Variants in ANKLE2 observed in about 807,000 individuals in gnomAD.
ANKLE2 encodes ankyrin repeat and LEM domain-containing protein 2.
Under a neutral mutation model 84.2 loss-of-function variants are expected in ANKLE2, and 55 were observed. That is an observed-to-expected ratio of 0.65 (90% CI 0.53 to 0.82). The LOEUF (loss-of-function observed/expected upper bound fraction) is 0.82, where lower values mean the gene tolerates loss of function less well. Ranked by LOEUF, ANKLE2 falls within the 40% of genes least tolerant of loss-of-function variation. ANKLE2 has a pLI of 0.00. For synonymous variants in ANKLE2, 551 were observed against 486.1 expected (o/e 1.13, Z -1.76); for missense variants, 1,238 against 1,201.9 (o/e 1.03, Z -0.44).
intron 10 of ANKLE2, 27 bp downstream of exon 10, chr12:132,734,358 G>A (rs1311883771): frequency 1.9e-6 from 3 of 1,606,834 alleles, no homozygotes; most frequent in Middle Eastern, 1.7e-4. Context: ...CCTCCCAGCT[G>A]CCACAGCCAC....
At chr12:132,759,626 T>TATGTATACTATATGTGCTATATGA (rs1566042715) in intron 1 of ANKLE2, 1 of 146,082 alleles carries the variant, frequency 6.8e-6, no homozygotes, top group African/African-American at 2.8e-5. Flanking sequence ...ATCAGTATTT[T>TATGTATACTATATGTGCTATATGA]TTTATTTCAG....
chr12:132,734,893 A>G (rs960524789), intron 9 of ANKLE2: 8 of 348,660 alleles, frequency 2.3e-5, no homozygotes, highest in African/African-American at 1.1e-4. Flanking sequence ...GGACGTGTTC[A>G]TGATCACGGA....
intron 5 of ANKLE2, among the ~76,000 whole-genome samples, chr12:132,747,385 G>C (rs573133927): frequency 1.3e-5 from 2 of 150,690 alleles, no homozygotes; most frequent in Non-Finnish European, 3.0e-5. Context: ...TGCGTGTCAG[G>C]CAGCCTCTCT....
intron 2 of ANKLE2, among the ~76,000 whole-genome samples, chr12:132,752,677 T>C (rs1208573365): frequency 6.6e-6 from 1 of 152,074 alleles, no homozygotes; most frequent in Admixed American, 6.5e-5. Flanking sequence ...CCCCTACGTA[T>C]TCTTTAAAAA....
In ANKLE2 at chr12:132,727,749, C is replaced by T. The variant is rs543232327; in HGVS notation, c.2615+283G>A. Among the ~76,000 whole-genome samples the T allele has an allele frequency of 5.1e-5, 7 of 136,668 alleles. No homozygotes were observed. In the South Asian group the frequency reaches 1.7e-3, roughly 32 times the overall value. The allele number at this position is 136,668 out of a possible 152,430, so 89.7% of individuals were successfully genotyped here. On this transcript the variant is annotated intron_variant, in intron 12 of 12. Coordinates refer to ENST00000357997, the MANE Select transcript of ANKLE2 (RefSeq NM_015114.3). ...CACCGCGGGCACTGGGAGAGTCAAGCTCATGGGGGTTTCCCGGAGAATCCT... is the reference window on the plus strand; with the variant it reads ...CACCGCGGGCACTGGGAGAGTCAAGTTCATGGGGGTTTCCCGGAGAATCCT...
chr12:132,760,766 G>A (rs7971299), intron 1 of ANKLE2: 125,714 of 152,218 alleles, frequency 0.83, 52,547 homozygotes, highest in African/African-American at 0.96. Flanking sequence ...GTTTTTACAG[G>A]AACTTCATTT....
chr12:132,759,824 A>C (rs1318789995), intron 1 of ANKLE2: 1 of 151,804 alleles, frequency 6.6e-6, no homozygotes, highest in Non-Finnish European at 1.5e-5. Context: ...GGCTGAAAAC[A>C]GGTTAAGCCC....
At chr12:132,741,310 G>A (rs1347977143) in intron 7 of ANKLE2, 109 bp downstream of exon 7, 11 of 1,081,772 alleles carry the variant, frequency 1.0e-5, no homozygotes, top group South Asian at 2.9e-5. Context: ...GAGGGGAGCC[G>A]GCACACGCCC....
intron 2 of ANKLE2, among the ~76,000 whole-genome samples, chr12:132,753,905 T>C (rs1305668705): frequency 6.6e-6 from 1 of 152,096 alleles, no homozygotes; most frequent in African/African-American, 2.4e-5. Context: ...CAATGCAGCC[T>C]AGGTGGCAGA....
chr12:132,736,916 C>T lies in ANKLE2; in HGVS notation c.1570G>A (p.Ala524Thr), dbSNP rs755479066. ...ACCTTGGCTGGACTCAGGGGCCCTG[C>T]GAAGGCTCTCAGGGTCAGTACCGGG... ...RDPVLTLRAF[A>T]GPLSPAKAED... The change falls in exon 8 of 13, where the codon GCA becomes ACA. Residue 524 changes from alanine to threonine, a missense_variant. Transcript: ENST00000357997. The T allele has an allele frequency of 1.4e-5, 23 of 1,609,812 alleles. No homozygotes were observed. Among genetic ancestry groups the T allele is most frequent in the Admixed American group, 6.7e-5 (4 of 59,686 alleles).
intron 1 of ANKLE2, 29 bp from the exon 2 acceptor site, chr12:132,755,162 T>C (rs757898871): frequency 4.5e-6 from 7 of 1,561,466 alleles, no homozygotes; most frequent in Non-Finnish European, 6.0e-6. Flanking sequence ...AATCAAAGAG[T>C]CACAAAATAC....
At chr12:132,734,776 C>T (rs984508956) in intron 9 of ANKLE2, 15 of 568,650 alleles carry the variant, frequency 2.6e-5, no homozygotes, top group Non-Finnish European at 3.6e-5. Context: ...AAGCAGGACC[C>T]GGCACAGCTC....
intron 3 of ANKLE2, 71 bp downstream of exon 3, chr12:132,750,572 G>C: frequency 1.3e-6 from 2 of 1,548,668 alleles, no homozygotes; most frequent in Non-Finnish European, 1.8e-6. Context: ...CACATCAGAG[G>C]AAAGAAGGCA....
intron 1 of ANKLE2, 35 bp downstream of exon 1, chr12:132,761,583 A>G (rs1314650656): frequency 4.1e-6 from 5 of 1,207,514 alleles, no homozygotes; most frequent in Admixed American, 4.4e-5. Flanking sequence ...GGAAGGGGCC[A>G]GGGTGCGGGG....
At chr12:132,735,163 C>T (rs911212067) in intron 9 of ANKLE2, 7 of 538,960 alleles carry the variant, frequency 1.3e-5, no homozygotes, top group Admixed American at 3.5e-5. Flanking sequence ...CCAGAACCAA[C>T]AAGGAATTCC....
At chr12:132,756,918 G>A (rs1005535293) in intron 1 of ANKLE2, 9 of 151,172 alleles carry the variant, frequency 6.0e-5, no homozygotes, top group African/African-American at 2.2e-4. Flanking sequence ...GCAACAGAGC[G>A]AGACTCCACC....
At chr12:132,741,548 G>T in intron 6 of ANKLE2, 63 bp from the exon 7 acceptor site, 1 of 1,490,304 alleles carries the variant, frequency 6.7e-7, no homozygotes, top group Non-Finnish European at 9.4e-7. Context: ...TCATTACAAT[G>T]ATTTCAGAAA....
intron 2 of ANKLE2, among the ~76,000 whole-genome samples, chr12:132,753,745 AAAC>A (rs2136174931): frequency 6.6e-6 from 1 of 151,972 alleles, no homozygotes; most frequent in South Asian, 2.1e-4. Flanking sequence ...TGTCTCAAAA[AAAC>A]AAAACAAAAC....
At chr12:132,755,997 C>T (rs12366873) in intron 1 of ANKLE2, 50,006 of 151,200 alleles carry the variant, frequency 0.33, 8,736 homozygotes, top group Non-Finnish European at 0.39. Flanking sequence ...AGGCGTGCAC[C>T]ACCACGCCCA....
Sources: gnomAD v4.1 joint callset for allele counts (sites outside exome capture counted in the v4.1 genomes callset) on GRCh38, gnomAD v4.1.1 for gene constraint, MANE v1.5 for transcripts, NCBI Gene and HGNC (gene_info 2026-07-23, HGNC 2026-07-21) for gene names.